Variants in ESRRG observed in about 807,000 individuals in gnomAD.
The protein encoded by ESRRG is estrogen related receptor gamma.
ESRRG carries 13 observed loss-of-function variants against 44.0 expected under a neutral mutation model. That is an observed-to-expected ratio of 0.30 (90% CI 0.19 to 0.47). ESRRG has a LOEUF of 0.47. Among genes scored for constraint, ESRRG ranks in the 20% least tolerant of loss-of-function variants. The pLI, the probability that ESRRG is intolerant of heterozygous loss-of-function variation, is 1.00. For missense variants in ESRRG, 395 were observed against 580.6 expected, an observed-to-expected ratio of 0.68 and a Z score of 3.29; for synonymous variants, 215 against 214.6, an observed-to-expected ratio of 1.00 and a Z score of -0.02.
In ESRRG at chr1:216,716,471, A is replaced by T. The variant is rs567532335; in HGVS notation, c.56+6773T>A. ...TATAATGAAGCAAAGTTAAATTGAC[A>T]TGTCTGTGATATGCCTGACAGCCCT... On this transcript the variant is annotated intron_variant, in intron 1 of 6. Transcript: ENST00000408911. Among the ~76,000 whole-genome samples the T allele has an allele frequency of 9.6e-4, 146 of 152,090 alleles. 1 individual carries two copies. Among genetic ancestry groups the T allele is most frequent in the Non-Finnish European group, 1.5e-3 (100 of 67,892 alleles).
At chr1:217,006,873 C>G (rs553415761) in intron 1 of ESRRG, among the ~76,000 whole-genome samples, 1 of 151,978 alleles carries the variant, frequency 6.6e-6, no homozygotes, top group South Asian at 2.1e-4. Flanking sequence ...TAGGCATGCT[C>G]CACCTGTATT....
chr1:216,965,247 C>T (rs1400908923), intron 1 of ESRRG, among the ~76,000 whole-genome samples: 2 of 152,058 alleles, frequency 1.3e-5, no homozygotes, highest in Non-Finnish European at 2.9e-5. Flanking sequence ...CAAACCATCC[C>T]AACCTGAATG....
At chr1:216,841,305 C>G (rs936084803) in intron 2 of ESRRG, among the ~76,000 whole-genome samples, 8 of 152,086 alleles carry the variant, frequency 5.3e-5, no homozygotes, top group Admixed American at 3.3e-4. Flanking sequence ...ACCCCGCAGG[C>G]CTTTTCCGTT....
intron 1 of ESRRG, chr1:216,939,785 G>A (rs2064908138): frequency 6.6e-6 from 1 of 151,026 alleles, no homozygotes; most frequent in African/African-American, 2.4e-5. Flanking sequence ...CCAGGCAATA[G>A]AGTTAAGCAC....
chr1:216,819,837 T>A (rs542314561), intron 2 of ESRRG, among the ~76,000 whole-genome samples: 1 of 152,144 alleles, frequency 6.6e-6, no homozygotes, highest in Non-Finnish European at 1.5e-5. Flanking sequence ...TTTTCCCACC[T>A]AAAACACTGA....
At chr1:216,591,408 T>G (rs934345167) in intron 3 of ESRRG, among the ~76,000 whole-genome samples, 2 of 152,218 alleles carry the variant, frequency 1.3e-5, no homozygotes, top group Admixed American at 1.3e-4. Context: ...CTGAGCTCTT[T>G]ACATGTGTGA....
intron 3 of ESRRG, among the ~76,000 whole-genome samples, chr1:216,579,012 TA>T (rs2062210226): frequency 6.6e-6 from 1 of 152,162 alleles, no homozygotes. Flanking sequence ...AAATGATGTA[TA>T]TTCATTAAAA....
At chr1:216,806,450 T>C (rs1444227309) in intron 2 of ESRRG, among the ~76,000 whole-genome samples, 2 of 152,210 alleles carry the variant, frequency 1.3e-5, no homozygotes, top group African/African-American at 2.4e-5. Context: ...ATTAACTGTC[T>C]TTTGTCATAA....
rs114591628 is a variant in ESRRG at position 217,131,094 on chromosome 1, G to T, written c.-230+6573C>A. ...TAAAGGCAGATTCAGTTGGATTAGA[G>T]AACATAATTCTGAAGAAGTATGCTA... On this transcript the variant is annotated intron_variant, in intron 1 of 8. Coordinates refer to the ESRRG transcript ENST00000366940. Among the ~76,000 whole-genome samples, 681 of 152,238 alleles carry T rather than the reference G, an allele frequency of 4.5e-3. 5 individuals carry two copies. The highest frequency in any genetic ancestry group is 0.016 in the African/African-American group (648 of 41,552).
chr1:217,027,188 A>C (rs2150984926), intron 1 of ESRRG, among the ~76,000 whole-genome samples: 1 of 152,232 alleles, frequency 6.6e-6, no homozygotes, highest in South Asian at 2.1e-4. Flanking sequence ...CAACTTCCTA[A>C]TGTCTATAGT....
At chr1:216,760,584 C>T (rs1363430050) in intron 2 of ESRRG, among the ~76,000 whole-genome samples, 1 of 151,804 alleles carries the variant, frequency 6.6e-6, no homozygotes, top group South Asian at 2.1e-4. Flanking sequence ...GGCTGGGTGA[C>T]ACAGGGAGGT....
intron 1 of ESRRG, among the ~76,000 whole-genome samples, chr1:216,722,411 T>TCC (rs368800628): frequency 8.5e-6 from 1 of 117,516 alleles, no homozygotes; most frequent in African/African-American, 3.1e-5. Flanking sequence ...CCCTACTCAC[T>TCC]CCCCCCCCTT....
At chr1:216,888,357 G>T (rs573039707) in intron 2 of ESRRG, among the ~76,000 whole-genome samples, 21 of 152,226 alleles carry the variant, frequency 1.4e-4, no homozygotes, top group African/African-American at 5.1e-4. Context: ...AAAGCAATAT[G>T]CTCTGTTGTC....
intron 2 of ESRRG, among the ~76,000 whole-genome samples, chr1:216,762,878 C>G (rs534998745): frequency 5.9e-5 from 9 of 152,014 alleles, no homozygotes; most frequent in Non-Finnish European, 1.3e-4. Context: ...GTACCTTACA[C>G]AAACAAATCC....
At chr1:217,129,165 T>TA (rs1329496075) in intron 1 of ESRRG, among the ~76,000 whole-genome samples, 1 of 152,092 alleles carries the variant, frequency 6.6e-6, no homozygotes, top group African/African-American at 2.4e-5. Flanking sequence ...AGTCCCAATT[T>TA]AAAAATCGTC....
intron 2 of ESRRG, among the ~76,000 whole-genome samples, chr1:216,840,741 C>A (rs1308752810): frequency 6.6e-6 from 1 of 152,024 alleles, no homozygotes; most frequent in Non-Finnish European, 1.5e-5. Flanking sequence ...AATAAAGAGG[C>A]CCAAGAAGAG....
chr1:216,662,985 C>T (rs1311484466), intron 2 of ESRRG, among the ~76,000 whole-genome samples: 1 of 152,190 alleles, frequency 6.6e-6, no homozygotes, highest in Non-Finnish European at 1.5e-5. Context: ...ACTTTACAGT[C>T]TATTATCCAT....
intron 5 of ESRRG, among the ~76,000 whole-genome samples, chr1:216,542,182 G>T (rs2053093914): frequency 6.6e-6 from 1 of 150,578 alleles, no homozygotes; most frequent in Non-Finnish European, 1.5e-5. Context: ...GTTTATAAAG[G>T]GCATCTCTTT....
intron 3 of ESRRG, among the ~76,000 whole-genome samples, chr1:216,633,035 A>G (rs970526706): frequency 4.6e-5 from 7 of 152,356 alleles, no homozygotes; most frequent in Middle Eastern, 3.4e-3. Context: ...CAACATACAA[A>G]GCAAATTCCA....
Sources: gnomAD v4.1 joint callset for allele counts (sites outside exome capture counted in the v4.1 genomes callset) on GRCh38, gnomAD v4.1.1 for gene constraint, MANE v1.5 for transcripts, NCBI Gene and HGNC (gene_info 2026-07-23, HGNC 2026-07-21) for gene names.